Variants in HDHD2 observed in about 807,000 individuals in gnomAD.
The protein encoded by HDHD2 is haloacid dehalogenase like hydrolase domain containing 2, also known as haloacid dehalogenase-like hydrolase domain-containing protein 2.
A neutral mutation model predicts 24.8 loss-of-function variants in HDHD2; 26 were observed. The observed-to-expected ratio is 1.05, with a 90% CI of 0.77 to 1.45. HDHD2 has a LOEUF of 1.45. HDHD2 is among the 40% of genes most tolerant of loss of function. The probability of loss-of-function intolerance (pLI) is 0.00; values close to 1 mark genes in which losing one functional copy is unlikely to be tolerated. For missense variants in HDHD2, 299 were observed against 313.4 expected (o/e 0.95, Z 0.35); for synonymous variants, 128 against 114.9 (o/e 1.11, Z -0.73).
At chr18:47,134,251 C>T (rs550190797) in intron 3 of HDHD2, among the ~76,000 whole-genome samples, 2 of 152,230 alleles carry the variant, frequency 1.3e-5, no homozygotes, top group East Asian at 3.9e-4. Flanking sequence ...GTAAGTATTG[C>T]TTAACTTACA....
At chr18:47,146,897 G>A (rs12386097) in intron 1 of HDHD2, among the ~76,000 whole-genome samples, 12,199 of 152,138 alleles carry the variant, frequency 0.08, 569 homozygotes, top group East Asian at 0.13. Context: ...CAAGAGGAGC[G>A]CAAAGGGAGC....
intron 4 of HDHD2, among the ~76,000 whole-genome samples, chr18:47,125,247 T>C (rs2063647177): frequency 6.6e-6 from 1 of 152,114 alleles, no homozygotes; most frequent in Non-Finnish European, 1.5e-5. Context: ...TACTATTAAA[T>C]AGAGAATATA....
At chr18:47,121,301 C>A (rs1293724461) in intron 4 of HDHD2, among the ~76,000 whole-genome samples, 1 of 152,136 alleles carries the variant, frequency 6.6e-6, no homozygotes, top group African/African-American at 2.4e-5. Flanking sequence ...GTCCCTCTCA[C>A]CCCACTCCCC....
rs536451689 is a variant in HDHD2 at position 47,124,006 on chromosome 18, A to G, written c.395+6238T>C. Among the ~76,000 whole-genome samples, 4 of 152,378 alleles carry G rather than the reference A, an allele frequency of 2.6e-5. No homozygotes were observed. The South Asian group carries it at 8.3e-4, about 32-fold the overall frequency. ...TCAAGACAGTATGAATGGCAAAAGT[A>G]TAGATAAAGAATCTAGTCACTTGAT... On this transcript the variant is annotated intron_variant, in intron 4 of 6. Coordinates refer to ENST00000300605, the MANE Select transcript of HDHD2 (RefSeq NM_032124.5).
rs577595926 is a variant in HDHD2 at position 47,142,475 on chromosome 18, G to A, written c.-10-6026C>T. 2.0e-5 allele frequency among the ~76,000 whole-genome samples: 3 copies of A among 152,144 alleles called. No individual in the cohort carries two copies. In the East Asian group the frequency reaches 5.8e-4, roughly 29 times the overall value. On this transcript the variant is annotated intron_variant, in intron 1 of 6. Coordinates refer to ENST00000300605, the MANE Select transcript of HDHD2 (RefSeq NM_032124.5). Reference sequence around the variant, plus strand: ...AAAACCCCAAAAAACCCTAAAACCAGCAAGCTAAACACCCTTAATTCCACT... The same window carrying A: ...AAAACCCCAAAAAACCCTAAAACCAACAAGCTAAACACCCTTAATTCCACT...
intron 1 of HDHD2, among the ~76,000 whole-genome samples, 193 bp from the exon 2 acceptor site, chr18:47,136,642 GT>G (rs144963110): frequency 1.4e-3 from 193 of 142,944 alleles, no homozygotes; most frequent in Middle Eastern, 3.5e-3. Flanking sequence ...CAATACTTAG[GT>G]TTTTTTTTAA....
At chr18:47,128,284 C>T (rs1401289719) in intron 4 of HDHD2, among the ~76,000 whole-genome samples, 1 of 152,202 alleles carries the variant, frequency 6.6e-6, no homozygotes, top group Non-Finnish European at 1.5e-5. Flanking sequence ...AGAGACCTCC[C>T]AATTTCCTAT....
Position 47,108,543 on chromosome 18 carries a change from TA to T in HDHD2, c.*138del, listed in dbSNP as rs1312135924. 1.2e-5 allele frequency: 6 copies of T among 497,166 alleles called. No individual in the cohort carries two copies. The highest frequency in any genetic ancestry group is 2.1e-5 in the Non-Finnish European group (6 of 284,284). The allele number at this position is 497,166 out of a possible 1,614,324, so 30.8% of individuals were successfully genotyped here. A position where few individuals can be genotyped will look rare whatever the true frequency, so the allele number is the denominator to read the frequency against. On this transcript the variant is annotated 3_prime_UTR_variant, in exon 7 of 7. Coordinates refer to ENST00000300605, the MANE Select transcript of HDHD2 (RefSeq NM_032124.5). ...AGCCGCAATTCAATACCTTTCTTTCTAATTAATGCACAACAAAAGAGGGTTA... is the reference window on the plus strand; with the variant it reads ...AGCCGCAATTCAATACCTTTCTTTCTATTAATGCACAACAAAAGAGGGTTA...
chr18:47,143,281 C>T (rs1365602445), intron 1 of HDHD2, among the ~76,000 whole-genome samples: 2 of 152,044 alleles, frequency 1.3e-5, no homozygotes, highest in African/African-American at 2.4e-5. Flanking sequence ...GCGAGACCCC[C>T]ATCTCTATAA....
chr18:47,110,802 T>C (rs946869867), intron 6 of HDHD2: 1 of 985,012 alleles, frequency 1.0e-6, no homozygotes, highest in Non-Finnish European at 1.2e-6. Flanking sequence ...CAAAGAAAGA[T>C]CCTATTTTTT....
chr18:47,126,967 C>A (rs1568050927), intron 4 of HDHD2, among the ~76,000 whole-genome samples: 1 of 152,116 alleles, frequency 6.6e-6, no homozygotes, highest in African/African-American at 2.4e-5. Flanking sequence ...CGAGACCATC[C>A]TGACTAACAT....
In HDHD2 at chr18:47,135,022, C is replaced by T. The variant is rs776447211; in HGVS notation, c.102-318G>A. 3.3e-5 allele frequency among the ~76,000 whole-genome samples: 5 copies of T among 152,128 alleles called. No individual in the cohort carries two copies. In the East Asian group the frequency reaches 5.8e-4, roughly 18 times the overall value. ...TTAAGGAGTCAAGATAAAGTCCAAC[C>T]GTGCAACAGATTTTTTTTTTACTTT... On this transcript the variant is annotated intron_variant, in intron 2 of 6. Transcript: ENST00000300605.
intron 1 of HDHD2, among the ~76,000 whole-genome samples, chr18:47,136,651 T>TAAA (rs145855456): frequency 1.3e-4 from 20 of 149,056 alleles, no homozygotes; most frequent in African/African-American, 2.7e-4. Context: ...GGTTTTTTTT[T>TAAA]AAAAAAAAAA....
At chr18:47,131,323 C>T (rs2063711733) in intron 3 of HDHD2, among the ~76,000 whole-genome samples, 2 of 152,184 alleles carry the variant, frequency 1.3e-5, no homozygotes, top group African/African-American at 4.8e-5. Flanking sequence ...CATGGATTAT[C>T]CATATGCCAA....
intron 4 of HDHD2, among the ~76,000 whole-genome samples, chr18:47,119,411 G>A (rs994370253): frequency 9.9e-5 from 15 of 152,168 alleles, no homozygotes; most frequent in Non-Finnish European, 1.8e-4. Flanking sequence ...AACAACGTTC[G>A]AAGCATCTTC....
chr18:47,129,811 G>A (rs926204128), intron 4 of HDHD2, among the ~76,000 whole-genome samples: 2 of 152,152 alleles, frequency 1.3e-5, no homozygotes, highest in African/African-American at 4.8e-5. Context: ...GCTGGCACAC[G>A]CCTGTAATTC....
intron 2 of HDHD2, 86 bp downstream of exon 2, chr18:47,136,253 T>C (rs551632455): frequency 6.4e-7 from 1 of 1,553,958 alleles, no homozygotes; most frequent in Non-Finnish European, 8.7e-7. Flanking sequence ...AATGCCATCT[T>C]AAGGCCATCC....
At chr18:47,124,728 A>C (rs866403416) in intron 4 of HDHD2, among the ~76,000 whole-genome samples, 29 of 149,262 alleles carry the variant, frequency 1.9e-4, no homozygotes, top group African/African-American at 6.8e-4. Flanking sequence ...AAAAAAAAAA[A>C]CAACTTTGAC....
At chr18:47,108,813 C>T (rs759266191) in intron 6 of HDHD2, 28 bp from the exon 7 acceptor site, 3 of 1,373,558 alleles carry the variant, frequency 2.2e-6, no homozygotes, top group South Asian at 2.3e-5. Flanking sequence ...CCAGTAAACA[C>T]AGGCTGCCAC....
Sources: allele counts gnomAD v4.1 joint callset (sites outside exome capture counted in the v4.1 genomes callset), GRCh38; gene constraint gnomAD v4.1.1; transcripts MANE v1.5; gene names NCBI Gene and HGNC (gene_info 2026-07-23, HGNC 2026-07-21).